The following RSPO3 variants were observed in gnomAD, a reference collection of about 807,000 sequenced individuals.
The protein encoded by RSPO3 is R-spondin-3.
A neutral mutation model predicts 36.5 loss-of-function variants in RSPO3; 17 were observed. The observed-to-expected ratio is 0.47, with a 90% confidence interval of 0.32 to 0.70. The LOEUF (loss-of-function observed/expected upper bound fraction) is 0.70, where lower values mean the gene tolerates loss of function less well. Among genes scored for constraint, RSPO3 ranks in the 30% least tolerant of loss-of-function variants. The pLI, the probability that RSPO3 is intolerant of heterozygous loss-of-function variation, is 0.04. For synonymous variants in RSPO3, 108 were observed against 107.0 expected (o/e 1.01, Z -0.06); for missense variants, 294 against 322.5 (o/e 0.91, Z 0.68).
intron 4 of RSPO3, among the ~76,000 whole-genome samples, chr6:127,193,832 C>A (rs1775461421): frequency 6.6e-6 from 1 of 152,038 alleles, no homozygotes; most frequent in Non-Finnish European, 1.5e-5. Context: ...TCTTATCAAC[C>A]CAGCAAAATT....
chr6:127,171,799 T>C (rs1774939712), intron 4 of RSPO3, among the ~76,000 whole-genome samples: 1 of 151,844 alleles, frequency 6.6e-6, no homozygotes, highest in Non-Finnish European at 1.5e-5. Context: ...GGAGAACTAC[T>C]CTGAAAACTT....
intron 4 of RSPO3, among the ~76,000 whole-genome samples, chr6:127,184,326 T>C (rs1055131177): frequency 6.6e-6 from 1 of 152,010 alleles, no homozygotes. Context: ...TTCTTCCTAA[T>C]ATTATGAAAA....
chr6:127,153,955 T>A (rs1774540947), intron 3 of RSPO3, among the ~76,000 whole-genome samples: 1 of 152,130 alleles, frequency 6.6e-6, no homozygotes. Context: ...TGTAGTGGTA[T>A]AACTGAGCAT....
chr6:127,154,329 C>G (rs1448022906), intron 3 of RSPO3, among the ~76,000 whole-genome samples: 1 of 152,012 alleles, frequency 6.6e-6, no homozygotes, highest in Non-Finnish European at 1.5e-5. Context: ...ATAATAGCAC[C>G]TTGAGATGTT....
intron 4 of RSPO3, among the ~76,000 whole-genome samples, chr6:127,193,569 T>G (rs1281239674): frequency 1.3e-5 from 2 of 152,186 alleles, no homozygotes; most frequent in Non-Finnish European, 2.9e-5. Flanking sequence ...ACCTCCAAAA[T>G]GCTCCTCAAT....
chr6:127,164,182 G>A (rs1324588866), intron 4 of RSPO3, among the ~76,000 whole-genome samples: 3 of 152,054 alleles, frequency 2.0e-5, no homozygotes, highest in African/African-American at 4.8e-5. Flanking sequence ...CACTGTGGCA[G>A]AGGAATTGGG....
chr6:127,165,364 G>A (rs181950888), intron 4 of RSPO3, among the ~76,000 whole-genome samples: 3 of 152,100 alleles, frequency 2.0e-5, no homozygotes, highest in East Asian at 1.9e-4. Flanking sequence ...AAGTACAATT[G>A]TAAACATCTG....
chr6:127,150,900 A>T (rs1050042302), intron 3 of RSPO3, among the ~76,000 whole-genome samples: 1 of 151,792 alleles, frequency 6.6e-6, no homozygotes, highest in Non-Finnish European at 1.5e-5. Context: ...TTAAGTAAAC[A>T]TTCAGCCAAG....
At chr6:127,125,482 TGAG>T (rs1463163013) in intron 1 of RSPO3, among the ~76,000 whole-genome samples, 1 of 152,124 alleles carries the variant, frequency 6.6e-6, no homozygotes, top group Non-Finnish European at 1.5e-5. Flanking sequence ...ATCTGCAAAA[TGAG>T]GAGGTTGATC....
intron 4 of RSPO3, among the ~76,000 whole-genome samples, chr6:127,167,064 C>T (rs1774835311): frequency 6.6e-6 from 1 of 151,918 alleles, no homozygotes; most frequent in Non-Finnish European, 1.5e-5. Flanking sequence ...ATTAACTTGA[C>T]TATAATGTGT....
intron 4 of RSPO3, among the ~76,000 whole-genome samples, chr6:127,181,494 G>C (rs184718522): frequency 5.9e-5 from 9 of 151,890 alleles, no homozygotes; most frequent in Admixed American, 5.9e-4. Context: ...TGTTAGGGTT[G>C]ATTCACACAC....
intron 4 of RSPO3, among the ~76,000 whole-genome samples, chr6:127,160,369 C>T (rs1217126945): frequency 6.6e-6 from 1 of 152,026 alleles, no homozygotes; most frequent in Non-Finnish European, 1.5e-5. Context: ...TGAAGAGGAC[C>T]CTGAAAAGTG....
At chr6:127,192,580 C>A in intron 4 of RSPO3, 1 of 788,594 alleles carries the variant, frequency 1.3e-6, no homozygotes, top group Non-Finnish European at 1.5e-6. Context: ...TGCAAGGGCT[C>A]AGATTGTACT....
chr6:127,168,573 CT>C (rs1562249858), intron 4 of RSPO3, among the ~76,000 whole-genome samples: 1 of 152,034 alleles, frequency 6.6e-6, no homozygotes, highest in East Asian at 1.9e-4. Context: ...ATGGTAGTTT[CT>C]TTTGCTGTGC....
chr6:127,122,275 A>G (rs539852047), intron 1 of RSPO3, among the ~76,000 whole-genome samples: 104 of 152,324 alleles, frequency 6.8e-4, no homozygotes, highest in Admixed American at 2.2e-3. Context: ...TAAAATGTCT[A>G]TTTAGTTATG....
intron 4 of RSPO3, among the ~76,000 whole-genome samples, chr6:127,164,980 CAT>C (rs1162236132): frequency 6.6e-6 from 1 of 151,998 alleles, no homozygotes; most frequent in East Asian, 1.9e-4. Flanking sequence ...CAATGCAAAA[CAT>C]GTACATCTGT....
intron 4 of RSPO3, among the ~76,000 whole-genome samples, chr6:127,160,582 T>A (rs999828782): frequency 7.9e-5 from 12 of 152,246 alleles, no homozygotes; most frequent in Non-Finnish European, 1.2e-4. Context: ...ATACCCACTT[T>A]TAATTAGATG....
At chr6:127,181,326 T>C (rs983318640) in intron 4 of RSPO3, among the ~76,000 whole-genome samples, 1 of 151,890 alleles carries the variant, frequency 6.6e-6, no homozygotes, top group Non-Finnish European at 1.5e-5. Flanking sequence ...ACAAATACAG[T>C]ACCCCATATA....
At chr6:127,164,825 A>G (rs1405965155) in intron 4 of RSPO3, among the ~76,000 whole-genome samples, 1 of 152,074 alleles carries the variant, frequency 6.6e-6, no homozygotes, top group Non-Finnish European at 1.5e-5. Flanking sequence ...TGTGAGCCCC[A>G]GCTGCCATAA....
Sources: gnomAD v4.1 joint callset for allele counts (sites outside exome capture counted in the v4.1 genomes callset) on GRCh38, gnomAD v4.1.1 for gene constraint, MANE v1.5 for transcripts, NCBI Gene and HGNC (gene_info 2026-07-23, HGNC 2026-07-21) for gene names.